RSF1: variants seen among roughly 807,000 people sequenced by gnomAD.
RSF1 encodes the protein HBV pX-associated protein 8.
Under a neutral mutation model 145.2 loss-of-function variants are expected in RSF1, and 13 were observed. The observed-to-expected ratio is 0.09, with a 90% CI of 0.06 to 0.14. RSF1 has a LOEUF of 0.14. Ranked by LOEUF, RSF1 falls within the 10% of genes least tolerant of loss-of-function variation. RSF1 has a pLI of 1.00. For missense variants in RSF1, 1,517 were observed against 1,718.2 expected (o/e 0.88, Z 2.07); for synonymous variants, 577 against 592.6 (o/e 0.97, Z 0.38).
the RSF1 span, chr11:77,872,127 C>A: frequency 6.3e-7 from 1 of 1,585,268 alleles, no homozygotes. Flanking sequence ...AAAGGAACCC[C>A]TGGGGGGCCT....
At chr11:77,836,526 A>G in the RSF1 span, among the ~76,000 whole-genome samples, 5 of 152,216 alleles carry the variant, frequency 3.3e-5, no homozygotes, top group African/African-American at 1.2e-4. Context: ...CAGAAGTGTG[A>G]GAAAATAAAT....
At chr11:77,858,302 C>CTTTTTTTTTTTTTTTTTT in the RSF1 span, among the ~76,000 whole-genome samples, 5 of 69,358 alleles carry the variant, frequency 7.2e-5, no homozygotes, top group African/African-American at 3.1e-4. Flanking sequence ...TTAAGCAATT[C>CTTTTTTTTTTTTTTTTTT]TTTTTTTTTT....
At chr11:77,734,700 T>G (rs1049282458) in intron 4 of RSF1, 2 of 1,430,302 alleles carry the variant, frequency 1.4e-6, no homozygotes, top group Middle Eastern at 3.7e-4. Flanking sequence ...GATTCACATT[T>G]TTTTCCAAAT....
At chr11:77,719,126 A>G (rs1057149930) in intron 5 of RSF1, among the ~76,000 whole-genome samples, 1 of 152,142 alleles carries the variant, frequency 6.6e-6, no homozygotes, top group East Asian at 1.9e-4. Context: ...ATGTGCCTGT[A>G]GTCCCAGCGA....
At chr11:77,705,046 T>C (rs7940734) in intron 5 of RSF1, among the ~76,000 whole-genome samples, 112,240 of 152,136 alleles carry the variant, frequency 0.74, 42,038 homozygotes, top group African/African-American at 0.87. Context: ...CCACCATGCC[T>C]GGCCGGCTTG....
Position 77,701,654 on chromosome 11 carries a change from T to C in RSF1, c.1575A>G (p.Gln525=), listed in dbSNP as rs1484734836. 5 of 1,614,020 alleles carry C rather than the reference T, an allele frequency of 3.1e-6. No homozygotes were observed. Among genetic ancestry groups the C allele is most frequent in the Admixed American group, 1.7e-5 (1 of 60,006 alleles). The part of the protein sequence containing the change: ...SSISVLEIHS[Q]KAQIEEPDPP... ...GATCGGGTTCCTCTATTTGTGCTTT[T>C]TGACTATGGATCTCTAAGACTGATA... Residue 525 remains glutamine (Q), a synonymous_variant, in exon 6 of 16, where the codon CAA becomes CAG. Transcript: ENST00000308488.
the RSF1 span, among the ~76,000 whole-genome samples, chr11:77,847,006 G>A: frequency 6.6e-6 from 1 of 152,124 alleles, no homozygotes; most frequent in Non-Finnish European, 1.5e-5. Context: ...GGCTGATAGT[G>A]TAAATTTGAG....
chr11:77,867,953 T>G, the RSF1 span, among the ~76,000 whole-genome samples: 1 of 152,332 alleles, frequency 6.6e-6, no homozygotes, highest in Middle Eastern at 3.4e-3. Context: ...AAGTCAAAAT[T>G]TTAGCATGCT....
At chr11:77,783,741 C>A (rs1296826520) in intron 1 of RSF1, among the ~76,000 whole-genome samples, 1 of 152,010 alleles carries the variant, frequency 6.6e-6, no homozygotes, top group Admixed American at 6.6e-5. Context: ...ACTCAGGAGG[C>A]TGAACTGGGA....
intron 1 of RSF1, among the ~76,000 whole-genome samples, chr11:77,780,683 CGT>C (rs1948393373): frequency 6.6e-6 from 1 of 151,876 alleles, no homozygotes; most frequent in Non-Finnish European, 1.5e-5. Flanking sequence ...AAATTAGCCG[CGT>C]GTGGTGGCAC....
intron 1 of RSF1, among the ~76,000 whole-genome samples, chr11:77,783,992 ATG>A: frequency 6.6e-6 from 1 of 152,246 alleles, no homozygotes; most frequent in South Asian, 2.1e-4. Context: ...ATGTCTGTAA[ATG>A]TTTGTCTGTG....
At chr11:77,796,720 T>A (rs754806954) in intron 1 of RSF1, among the ~76,000 whole-genome samples, 19 of 152,322 alleles carry the variant, frequency 1.2e-4, no homozygotes, top group Non-Finnish European at 2.8e-4. Flanking sequence ...AGTCAAATTG[T>A]CTCTGTTTGC....
chr11:77,704,884 T>TG (rs35691897), intron 5 of RSF1, among the ~76,000 whole-genome samples: 1 of 151,980 alleles, frequency 6.6e-6, no homozygotes, highest in African/African-American at 2.4e-5. Flanking sequence ...TCCCAGTAGC[T>TG]GGGATTACAG....
At chr11:77,818,833 T>C (rs1429832556) in intron 1 of RSF1, among the ~76,000 whole-genome samples, 1 of 152,182 alleles carries the variant, frequency 6.6e-6, no homozygotes, top group African/African-American at 2.4e-5. Context: ...AATTTGATAA[T>C]GAAATTACTA....
chr11:77,750,583 G>T (rs1458295031), intron 2 of RSF1, among the ~76,000 whole-genome samples: 1 of 152,200 alleles, frequency 6.6e-6, no homozygotes, highest in Non-Finnish European at 1.5e-5. Context: ...TAGGGAGCCA[G>T]AAATTAGCTG....
chr11:77,737,205 T>A (rs1961375251), intron 4 of RSF1, among the ~76,000 whole-genome samples: 1 of 152,106 alleles, frequency 6.6e-6, no homozygotes, highest in Admixed American at 6.5e-5. Context: ...CCCAGCACTT[T>A]GGGAGGCCAC....
At chr11:77,685,189 A>G (rs1959970671) in intron 9 of RSF1, 30 bp from the exon 10 acceptor site, 1 of 1,359,682 alleles carries the variant, frequency 7.4e-7, no homozygotes, top group Non-Finnish European at 1.0e-6. Flanking sequence ...AAAATACATG[A>G]GATTTGCAGA....
At chr11:77,802,526 A>G (rs763967785) in intron 1 of RSF1, among the ~76,000 whole-genome samples, 7 of 152,274 alleles carry the variant, frequency 4.6e-5, no homozygotes, top group Non-Finnish European at 7.4e-5. Flanking sequence ...ATTTACTTTA[A>G]TACTGAAACC....
rs1354934375 is a variant in RSF1, at chr11:77,666,007, A to T, written c.*910T>A. Reference sequence around the variant, plus strand: ...TATTTTTTTCAAAATGATATTTCAGATATTTAAACATCAAGTGGCCAGAAG... The same window carrying T: ...TATTTTTTTCAAAATGATATTTCAGTTATTTAAACATCAAGTGGCCAGAAG... On this transcript the variant is annotated 3_prime_UTR_variant, in exon 16 of 16. Transcript: ENST00000308488. 3 of 152,196 alleles carry T rather than the reference A, an allele frequency of 2.0e-5. No homozygotes were observed. Among genetic ancestry groups the T allele is most frequent in the African/African-American group, 7.2e-5 (3 of 41,450 alleles). 9.4% of individuals were successfully genotyped at this position (152,196 alleles called of 1,614,324 possible). A position where few individuals can be genotyped will look rare whatever the true frequency, so the allele number is the denominator to read the frequency against.
Sources: gnomAD v4.1 joint callset for allele counts (sites outside exome capture counted in the v4.1 genomes callset) on GRCh38, gnomAD v4.1.1 for gene constraint, MANE v1.5 for transcripts, NCBI Gene and HGNC (gene_info 2026-07-23, HGNC 2026-07-21) for gene names.